MAN2A1: variants seen among roughly 807,000 people sequenced by gnomAD.
MAN2A1 encodes the protein alpha-mannosidase 2.
In MAN2A1, 76 loss-of-function variants were observed where a neutral mutation model predicts 142.6. That is an observed-to-expected ratio of 0.53 (90% confidence interval 0.44 to 0.65). The LOEUF is 0.65. Among genes scored for constraint, MAN2A1 ranks in the 30% least tolerant of loss-of-function variants. The pLI, the probability that MAN2A1 is intolerant of heterozygous loss-of-function variation, is 0.00. For synonymous variants in MAN2A1, 559 were observed against 473.2 expected, an observed-to-expected ratio of 1.18 and a Z score of -2.35; for missense variants, 1,311 against 1,365.1, an observed-to-expected ratio of 0.96 and a Z score of 0.62.
chr5:109,820,460 T>A (rs894472208), intron 15 of MAN2A1, 118 bp downstream of exon 15: 2 of 1,039,724 alleles, frequency 1.9e-6, no homozygotes, highest in African/African-American at 3.2e-5. Flanking sequence ...ATAGATGAAC[T>A]TTTGGTTGCA....
At chr5:109,782,317 C>G (rs1753481343) in intron 9 of MAN2A1, among the ~76,000 whole-genome samples, 3 of 152,178 alleles carry the variant, frequency 2.0e-5, no homozygotes, top group Admixed American at 1.3e-4. Flanking sequence ...TCTATTTCTG[C>G]ACTGTCCAAA....
At chr5:109,813,553 C>G (rs1754374730) in intron 12 of MAN2A1, among the ~76,000 whole-genome samples, 1 of 152,216 alleles carries the variant, frequency 6.6e-6, no homozygotes, top group African/African-American at 2.4e-5. Context: ...GTCTGAGGAC[C>G]AGCCCAGGCA....
At chr5:109,777,781 A>G (rs758207236) in intron 8 of MAN2A1, among the ~76,000 whole-genome samples, 1 of 152,044 alleles carries the variant, frequency 6.6e-6, no homozygotes, top group Non-Finnish European at 1.5e-5. Flanking sequence ...GCTTATATAG[A>G]TATCCAGCAC....
chr5:109,818,202 G>A (rs1383266041), intron 13 of MAN2A1, among the ~76,000 whole-genome samples: 3 of 152,078 alleles, frequency 2.0e-5, no homozygotes, highest in South Asian at 4.2e-4. Flanking sequence ...GTGCAATGGC[G>A]CGATCTCGGC....
At chr5:109,745,087 GTT>G (rs1197591332) in intron 4 of MAN2A1, among the ~76,000 whole-genome samples, 2 of 152,036 alleles carry the variant, frequency 1.3e-5, no homozygotes, top group Non-Finnish European at 2.9e-5. Context: ...ATGTCAGAGT[GTT>G]TTTTGGGGGC....
At chr5:109,865,259 A>G (rs2112450209) in intron 21 of MAN2A1, 113 bp downstream of exon 21, 1 of 755,072 alleles carries the variant, frequency 1.3e-6, no homozygotes, top group Non-Finnish European at 2.2e-6. Context: ...TCTCAGTTTC[A>G]TCAGTCTGCA....
intron 16 of MAN2A1, among the ~76,000 whole-genome samples, chr5:109,835,023 A>G (rs1359827617): frequency 1.3e-5 from 2 of 152,084 alleles, no homozygotes; most frequent in African/African-American, 4.8e-5. Flanking sequence ...AGAAACATTT[A>G]GATGTTGACT....
At chr5:109,866,464 GTT>G (rs1755886303) in intron 21 of MAN2A1, among the ~76,000 whole-genome samples, 1 of 152,114 alleles carries the variant, frequency 6.6e-6, no homozygotes, top group Admixed American at 6.6e-5. Context: ...GAATGAGGAT[GTT>G]TTTAAAGCTT....
chr5:109,725,692 G>A (rs547547345), intron 3 of MAN2A1, among the ~76,000 whole-genome samples: 24 of 152,280 alleles, frequency 1.6e-4, no homozygotes, highest in Middle Eastern at 3.4e-3. Context: ...CATCCTCATG[G>A]TGGTACTTAG....
intron 19 of MAN2A1, among the ~76,000 whole-genome samples, chr5:109,849,439 C>G (rs1467631127): frequency 6.6e-6 from 1 of 152,124 alleles, no homozygotes; most frequent in Non-Finnish European, 1.5e-5. Context: ...AGTGTTCCCC[C>G]CAGTCAACAG....
At chr5:109,806,707 G>T (rs1207954463) in intron 12 of MAN2A1, among the ~76,000 whole-genome samples, 1 of 152,134 alleles carries the variant, frequency 6.6e-6, no homozygotes, top group Admixed American at 6.6e-5. Context: ...GGAGAATAAG[G>T]TATTTGCAGC....
intron 6 of MAN2A1, among the ~76,000 whole-genome samples, chr5:109,769,612 A>T (rs1753086883): frequency 6.6e-6 from 1 of 152,240 alleles, no homozygotes; most frequent in South Asian, 2.1e-4. Context: ...CCAACATGTG[A>T]TAACATTGTA....
In MAN2A1 at chr5:109,868,047, C is replaced by G. The variant is rs1179538480; in HGVS notation, c.*1049C>G. ...TGACTATTTGAATGTACTGAGATGT[C>G]AGAAAACAAAACAAGGAAGGAAAAT... is the stretch of plus-strand genomic sequence containing the variant. On this transcript the variant is annotated 3_prime_UTR_variant, in exon 22 of 22. Transcript: ENST00000261483. 6.6e-6 allele frequency: 1 copy of G among 152,064 alleles called. No individual in the cohort carries two copies. The highest frequency in any genetic ancestry group is 1.5e-5 in the Non-Finnish European group (1 of 67,992). The allele number at this position is 152,064 out of a possible 1,614,324, so 9.4% of individuals were successfully genotyped here. A position where few individuals can be genotyped will look rare whatever the true frequency, so the allele number is the denominator to read the frequency against.
intron 12 of MAN2A1, among the ~76,000 whole-genome samples, chr5:109,812,526 T>C (rs1390021502): frequency 6.6e-6 from 1 of 152,178 alleles, no homozygotes; most frequent in African/African-American, 2.4e-5. Context: ...TAAAGCTTAA[T>C]GTTTTTCTTT....
chr5:109,866,450 A>AAG (rs1420280769), intron 21 of MAN2A1, among the ~76,000 whole-genome samples: 2 of 152,132 alleles, frequency 1.3e-5, no homozygotes, highest in Admixed American at 6.5e-5. Context: ...TATTGACTAA[A>AAG]AGAGAATGAG....
intron 4 of MAN2A1, among the ~76,000 whole-genome samples, chr5:109,736,633 G>C (rs550858852): frequency 2.0e-5 from 3 of 152,092 alleles, no homozygotes; most frequent in Admixed American, 6.6e-5. Flanking sequence ...CTGATTTTAA[G>C]AATTTATCCC....
chr5:109,816,913 C>G (rs575487501), intron 12 of MAN2A1, among the ~76,000 whole-genome samples: 1 of 152,272 alleles, frequency 6.6e-6, no homozygotes, highest in East Asian at 1.9e-4. Flanking sequence ...ATTGCCTGTT[C>G]TCTGAAAGTT....
chr5:109,735,879 T>G (rs1289166315), intron 4 of MAN2A1, among the ~76,000 whole-genome samples: 1 of 20,038 alleles, frequency 5.0e-5, no homozygotes, highest in African/African-American at 8.2e-4. Flanking sequence ...TCCATTGGAG[T>G]TTTTTTTTTT....
intron 3 of MAN2A1, among the ~76,000 whole-genome samples, chr5:109,719,481 A>C (rs1399857740): frequency 1.3e-5 from 2 of 152,216 alleles, no homozygotes; most frequent in Admixed American, 6.5e-5. Flanking sequence ...GTGTGTTCAC[A>C]TACACTGCAA....
Sources: gnomAD v4.1 joint callset for allele counts (sites outside exome capture counted in the v4.1 genomes callset) on GRCh38, gnomAD v4.1.1 for gene constraint, MANE v1.5 for transcripts, NCBI Gene and HGNC (gene_info 2026-07-23, HGNC 2026-07-21) for gene names.